CSF3R: variants seen among roughly 807,000 people sequenced by gnomAD.
CSF3R encodes granulocyte colony-stimulating factor receptor.
Under a neutral mutation model 84.4 loss-of-function variants are expected in CSF3R, and 52 were observed. That is an observed-to-expected ratio of 0.62 (90% CI 0.49 to 0.78). The LOEUF is 0.78. Among genes scored for constraint, CSF3R ranks in the 30% least tolerant of loss-of-function variants. The probability of loss-of-function intolerance (pLI) is 0.00; values close to 1 mark genes in which losing one functional copy is unlikely to be tolerated. For missense variants in CSF3R, 890 were observed against 1,055.7 expected (o/e 0.84, Z 2.17); for synonymous variants, 384 against 429.1 (o/e 0.89, Z 1.30).
rs1650793326 is a variant in CSF3R, at chr1:36,472,177, AG to A, written c.998-39del. On this transcript the variant is annotated intron_variant, in intron 8 of 16. Transcript: ENST00000373106. This position sits in a 1 kb window ranked among gnomAD's most constrained non-coding sequence, Gnocchi z 5.0. Reference sequence around the variant, plus strand: ...CAAGAAGAGGGGGTGCCAGTTGGGGAGGGGCCTGGGGCCTGGACTGGATACT... The same window carrying A: ...CAAGAAGAGGGGGTGCCAGTTGGGGAGGGCCTGGGGCCTGGACTGGATACT... 1 of 1,613,858 alleles carries A rather than the reference AG, an allele frequency of 6.2e-7. No individual in the cohort carries two copies. Among genetic ancestry groups the A allele is most frequent in the South Asian group, 1.1e-5 (1 of 91,072 alleles).
chr1:36,466,754 T>A lies in CSF3R; in HGVS notation c.2114A>T (p.Lys705Met). The A allele has an allele frequency of 6.2e-7, 1 of 1,614,222 alleles. No homozygotes were observed. The highest frequency in any genetic ancestry group is 8.5e-7 in the Non-Finnish European group (1 of 1,180,032). ...KLTVLEEDEKKPVPWESHNSS... is the reference protein window; with the variant it reads ...KLTVLEEDEKMPVPWESHNSS... ...GTTATGGGACTCCCAGGGCACCGGCTTCTTTTCATCCTCCTCCAGCACTGT... is the reference window on the plus strand; with the variant it reads ...GTTATGGGACTCCCAGGGCACCGGCATCTTTTCATCCTCCTCCAGCACTGT... The change falls in exon 17 of 17, where the codon AAG (lysine) becomes ATG (methionine). Residue 705 changes from lysine to methionine, a missense_variant. Transcript: ENST00000373106. The surrounding 1 kb of genome is among the most constrained non-coding windows in gnomAD (Gnocchi z 4.6).
rs1194540149 is a variant in CSF3R, at chr1:36,467,217, C to G, written c.2040+13G>C. On this transcript the variant is annotated intron_variant, in intron 16 of 16. Coordinates refer to ENST00000373106, the MANE Select transcript of CSF3R (RefSeq NM_000760.4). The surrounding 1 kb of genome is among the most constrained non-coding windows in gnomAD (Gnocchi z 4.1). ...ATCCCCATCTCATTTCCCTCTCCCT[C>G]CTGGATTCTCACCTCCTCCATGATT... 1.2e-6 allele frequency: 2 copies of G among 1,613,894 alleles called. No individual in the cohort carries two copies. Among genetic ancestry groups the G allele is most frequent in the African/African-American group, 2.7e-5 (2 of 75,054 alleles).
chr1:36,480,957 A>C (rs1419224659), intron 2 of CSF3R, among the ~76,000 whole-genome samples: 1 of 151,872 alleles, frequency 6.6e-6, no homozygotes, highest in Non-Finnish European at 1.5e-5. Flanking sequence ...GGCTCCAGTT[A>C]CTCCTCAGTT....
chr1:36,479,991 A>G (rs1192586754), intron 2 of CSF3R: 3 of 280,886 alleles, frequency 1.1e-5, no homozygotes, highest in South Asian at 3.6e-5. Context: ...GGTCACCTCT[A>G]TGGACAACTG....
At chr1:36,469,572 A>G in intron 11 of CSF3R, 80 bp downstream of exon 11, 1 of 1,519,690 alleles carries the variant, frequency 6.6e-7, no homozygotes, top group Non-Finnish European at 9.1e-7. Context: ...TGGGCAGTTC[A>G]GGTTGTCCCA....
At chr1:36,479,313 C>G (rs1047008576) in intron 3 of CSF3R, 120 bp downstream of exon 3, 2 of 1,039,990 alleles carry the variant, frequency 1.9e-6, no homozygotes, top group Non-Finnish European at 2.9e-6. Flanking sequence ...GTGGCTCAGA[C>G]TTGAATCTTG....
intron 10 of CSF3R, among the ~76,000 whole-genome samples, chr1:36,470,648 A>G (rs555922514): frequency 6.6e-6 from 1 of 152,308 alleles, no homozygotes; most frequent in South Asian, 2.1e-4. Context: ...GATTATTGTT[A>G]TTGTGATTAT....
chr1:36,474,287 C>T (rs950024253), intron 4 of CSF3R, among the ~76,000 whole-genome samples: 2 of 151,800 alleles, frequency 1.3e-5, no homozygotes, highest in South Asian at 4.2e-4. Context: ...CACCCCCTAG[C>T]GTTATCACAA....
intron 2 of CSF3R, 113 bp from the exon 3 acceptor site, chr1:36,479,629 T>C: frequency 2.4e-6 from 2 of 819,028 alleles, no homozygotes; most frequent in South Asian, 2.9e-5. Flanking sequence ...TGAGCCTTCG[T>C]TTCTTTGCAA....
In CSF3R at chr1:36,466,333, C is replaced by T. The variant is rs778996180; in HGVS notation, c.*24G>A. The T allele has an allele frequency of 6.2e-7, 1 of 1,612,254 alleles. No homozygotes were observed. On this transcript the variant is annotated 3_prime_UTR_variant, in exon 17 of 17. Coordinates refer to ENST00000373106, the MANE Select transcript of CSF3R (RefSeq NM_000760.4). This position sits in a 1 kb window ranked among gnomAD's most constrained non-coding sequence, Gnocchi z 4.6. ...TAGCTCAGGCCTTTAAGAGGCAGGCCCAAGAAGGGAACCCCAGGAAGCCCT... is the reference window on the plus strand; with the variant it reads ...TAGCTCAGGCCTTTAAGAGGCAGGCTCAAGAAGGGAACCCCAGGAAGCCCT...
At position 36,472,312 on chromosome 1, in the gene CSF3R, C is replaced by T. The variant is rs148747030; in HGVS notation, c.923G>A (p.Arg308His). The T allele has an allele frequency of 3.4e-5, 55 of 1,614,042 alleles. No individual in the cohort carries two copies. In the Admixed American group the frequency reaches 7.3e-4, roughly 22 times the overall value. The part of the protein sequence containing the change: ...LPATAYTLQI[R>H]CIRWPLPGHW... ...GCCAGGCAGGGGCCAGCGGATGCAG[C>T]GTATCTGCAGGGTGTAGGCCGTGGC... The change falls in exon 8 of 17, where the codon CGC (arginine) becomes CAC (histidine). Residue 308 changes from arginine to histidine, a missense_variant. Coordinates refer to ENST00000373106, the MANE Select transcript of CSF3R (RefSeq NM_000760.4). The surrounding 1 kb of genome is among the most constrained non-coding windows in gnomAD (Gnocchi z 5.0).
chr1:36,475,508 C>A lies in CSF3R; in HGVS notation c.230G>T (p.Arg77Leu). 1 of 1,614,124 alleles carries A rather than the reference C, an allele frequency of 6.2e-7. No individual in the cohort carries two copies. The highest frequency in any genetic ancestry group is 1.1e-5 in the South Asian group (1 of 91,082). ...AGATTCCTGGGTCCCATCAGACAGA[C>A]GCTGCTGCCTGCCCCCGGGCTGAAG... ...AELQPGGRQQRLSDGTQESII... is the reference protein window; with the variant it reads ...AELQPGGRQQLLSDGTQESII... The change falls in exon 4 of 17, where the codon CGT becomes CTT. Residue 77 changes from arginine to leucine, a missense_variant. Physicochemically the swap from Arg to Leu is moderately radical, Grantham distance 102. Coordinates refer to ENST00000373106, the MANE Select transcript of CSF3R (RefSeq NM_000760.4).
At position 36,472,555 on chromosome 1, in the gene CSF3R, G is replaced by T; in HGVS notation, c.805C>A (p.Arg269Ser). Residue 269 changes from arginine (R) to serine (S), a missense_variant, in exon 7 of 17, where the codon CGC (arginine) becomes AGC (serine). By Grantham distance (110) the Arg-to-Ser change is moderately radical (BLOSUM62 -1). Transcript: ENST00000373106. The surrounding 1 kb of genome is among the most constrained non-coding windows in gnomAD (Gnocchi z 5.0). ...GLHINQKCEL[R>S]HKPQRGEASW... ...GCTTCTCCACGCTGCGGCTTGTGGC[G>T]CAGCTCACACTTCTGATTTATGTGC... The T allele has an allele frequency of 6.2e-7, 1 of 1,614,166 alleles. No homozygotes were observed.
intron 6 of CSF3R, 47 bp downstream of exon 6, chr1:36,473,388 A>G (rs1160342790): frequency 6.2e-7 from 1 of 1,602,110 alleles, no homozygotes. Flanking sequence ...CATTCCTCTC[A>G]GTGTCTGCCC....
At chr1:36,482,280 A>C (rs1272310971) in intron 1 of CSF3R, among the ~76,000 whole-genome samples, 1 of 144,408 alleles carries the variant, frequency 6.9e-6, no homozygotes, top group Non-Finnish European at 1.5e-5. Context: ...AAAAGGGCCC[A>C]ATGTACGCCG....
chr1:36,474,958 A>G (rs1239432121), intron 4 of CSF3R, among the ~76,000 whole-genome samples: 1 of 151,988 alleles, frequency 6.6e-6, no homozygotes, highest in Non-Finnish European at 1.5e-5. Context: ...TATCATGCCC[A>G]TAAAGTGCTT....
intron 10 of CSF3R, among the ~76,000 whole-genome samples, chr1:36,471,002 C>T (rs1021580135): frequency 6.6e-6 from 1 of 152,108 alleles, no homozygotes; most frequent in Non-Finnish European, 1.5e-5. Context: ...TGGGAGGTAA[C>T]TTACTCAGGT....
chr1:36,480,752 T>C (rs1377198106), intron 2 of CSF3R, among the ~76,000 whole-genome samples: 1 of 152,228 alleles, frequency 6.6e-6, no homozygotes, highest in African/African-American at 2.4e-5. Context: ...ACTGCCCAGA[T>C]ACCCAAGGTT....
In CSF3R at chr1:36,472,127, C is replaced by A; in HGVS notation, c.1010G>T (p.Arg337Ile). ...CCTCTGCCGCCACCATGTGTCCAGT[C>A]TGACAGTGGGGGCTGTGGATGGAAC... ...LRTTERAPTV[R>I]LDTWWRQRQL... Residue 337 changes from arginine to isoleucine, a missense_variant, in exon 9 of 17, where the codon AGA becomes ATA. Arg to Ile is a moderately conservative substitution (Grantham distance 97, BLOSUM62 -3). Transcript: ENST00000373106. This position sits in a 1 kb window ranked among gnomAD's most constrained non-coding sequence, Gnocchi z 5.0. 2 of 1,613,956 alleles carry A rather than the reference C, an allele frequency of 1.2e-6. No individual in the cohort carries two copies. The highest frequency in any genetic ancestry group is 1.7e-6 in the Non-Finnish European group (2 of 1,180,018).
Sources: allele counts gnomAD v4.1 joint callset (sites outside exome capture counted in the v4.1 genomes callset), GRCh38; gene constraint gnomAD v4.1.1; non-coding constraint Gnocchi (gnomAD v3.1); transcripts MANE v1.5; gene names NCBI Gene and HGNC (gene_info 2026-07-23, HGNC 2026-07-21).